The following ADD3 variants were observed in gnomAD, a reference collection of about 807,000 sequenced individuals.
ADD3 encodes the protein adducin 3.
Under a neutral mutation model 80.2 loss-of-function variants are expected in ADD3, and 25 were observed. The observed-to-expected ratio is 0.31, with a 90% confidence interval of 0.23 to 0.44. ADD3 has a LOEUF of 0.44. ADD3 is among the 20% of genes least tolerant of loss of function. The pLI is 1.00. For synonymous variants in ADD3, 284 were observed against 289.6 expected, an observed-to-expected ratio of 0.98 and a Z score of 0.20; for missense variants, 829 against 847.5, an observed-to-expected ratio of 0.98 and a Z score of 0.27.
intron 1 of ADD3, among the ~76,000 whole-genome samples, chr10:110,053,010 A>G (rs1464735337): frequency 2.6e-5 from 4 of 152,152 alleles, no homozygotes; most frequent in African/African-American, 9.7e-5. Flanking sequence ...GAAAATGGAA[A>G]CAAACAAACA....
chr10:110,013,802 T>A (rs1852609949), intron 1 of ADD3, among the ~76,000 whole-genome samples: 1 of 152,240 alleles, frequency 6.6e-6, no homozygotes, highest in South Asian at 2.1e-4. Context: ...TGACTCAGCC[T>A]GTTTAACTCT....
At chr10:110,025,234 C>A (rs1166062016) in intron 1 of ADD3, among the ~76,000 whole-genome samples, 1 of 151,896 alleles carries the variant, frequency 6.6e-6, no homozygotes, top group African/African-American at 2.4e-5. Flanking sequence ...AGCGTCCGTT[C>A]CACTAAGGCA....
At chr10:110,128,299 AT>A (rs1040730988) in intron 12 of ADD3, among the ~76,000 whole-genome samples, 1 of 150,578 alleles carries the variant, frequency 6.6e-6, no homozygotes, top group Admixed American at 6.6e-5. Flanking sequence ...TGAGCCTCTG[AT>A]TTTTTTCTTT....
chr10:110,129,091 C>G (rs1054011690), intron 12 of ADD3, among the ~76,000 whole-genome samples: 4 of 151,568 alleles, frequency 2.6e-5, no homozygotes, highest in Non-Finnish European at 5.9e-5. Context: ...AACCATCATT[C>G]TAGGAGCCTG....
chr10:110,096,075 C>T (rs1848113461), intron 1 of ADD3, among the ~76,000 whole-genome samples: 1 of 152,026 alleles, frequency 6.6e-6, no homozygotes, highest in African/African-American at 2.4e-5. Flanking sequence ...TATAGTTTTG[C>T]AATGTGTTGC....
intron 1 of ADD3, among the ~76,000 whole-genome samples, chr10:110,066,607 A>G (rs1041760063): frequency 2.0e-5 from 3 of 152,040 alleles, no homozygotes; most frequent in Admixed American, 6.6e-5. Flanking sequence ...TCTTTTAACT[A>G]AGAATGAACC....
chr10:110,003,822 ATTGT>A (rs1165941444), upstream of ADD3, among the ~76,000 whole-genome samples: 1 of 152,164 alleles, frequency 6.6e-6, no homozygotes, highest in African/African-American at 2.4e-5. Flanking sequence ...CAGAAAAGAG[ATTGT>A]TTCTTTTAGA....
At chr10:110,078,751 G>T (rs934855582) in intron 1 of ADD3, among the ~76,000 whole-genome samples, 4 of 152,166 alleles carry the variant, frequency 2.6e-5, no homozygotes, top group African/African-American at 7.2e-5. Flanking sequence ...CACAGAAAAT[G>T]CTATTTTCTG....
chr10:110,015,575 C>T (rs1439875745), intron 1 of ADD3, among the ~76,000 whole-genome samples: 1 of 151,964 alleles, frequency 6.6e-6, no homozygotes. Flanking sequence ...AGGGTTTTAC[C>T]ATGTTAGCCC....
chr10:110,040,428 A>G (rs952800394), intron 1 of ADD3, among the ~76,000 whole-genome samples: 2 of 152,244 alleles, frequency 1.3e-5, no homozygotes, highest in Non-Finnish European at 2.9e-5. Context: ...AGTTTGGCCA[A>G]TTAATATATG....
intron 6 of ADD3, 80 bp downstream of exon 6, chr10:110,118,816 T>G: frequency 1.5e-6 from 2 of 1,373,922 alleles, no homozygotes; most frequent in African/African-American, 1.5e-5. Context: ...GATGCTTTAC[T>G]ATCTGCTTTT....
chr10:110,046,245 G>T (rs1362101854), intron 1 of ADD3, among the ~76,000 whole-genome samples: 2 of 152,188 alleles, frequency 1.3e-5, no homozygotes, highest in African/African-American at 4.8e-5. Flanking sequence ...TACCGTAAAT[G>T]TATTTTCTTA....
At chr10:110,016,478 T>C (rs1362048383) in intron 1 of ADD3, 1 of 152,196 alleles carries the variant, frequency 6.6e-6, no homozygotes, top group Non-Finnish European at 1.5e-5. Context: ...TGAAATTAAA[T>C]TAAGTGGTAA....
At chr10:110,109,554 G>A (rs1849758460) in intron 2 of ADD3, among the ~76,000 whole-genome samples, 1 of 152,142 alleles carries the variant, frequency 6.6e-6, no homozygotes, top group South Asian at 2.1e-4. Context: ...TGTAATATAT[G>A]TAATGAGTGA....
intron 8 of ADD3, among the ~76,000 whole-genome samples, chr10:110,120,649 A>G (rs998930706): frequency 2.0e-5 from 3 of 152,186 alleles, no homozygotes; most frequent in African/African-American, 7.2e-5. Flanking sequence ...GAATCGCCAC[A>G]CTGACTTCCA....
At chr10:110,074,237 A>G (rs1271197288) in intron 1 of ADD3, among the ~76,000 whole-genome samples, 1 of 152,238 alleles carries the variant, frequency 6.6e-6, no homozygotes, top group Non-Finnish European at 1.5e-5. Flanking sequence ...GTTCCTTAAC[A>G]AATCAAACTT....
chr10:110,097,781 T>C (rs1848342163), intron 1 of ADD3, among the ~76,000 whole-genome samples: 2 of 150,808 alleles, frequency 1.3e-5, no homozygotes, highest in Admixed American at 1.3e-4. Flanking sequence ...GTTTTTCTTT[T>C]TTTTTTTTTT....
At chr10:110,113,913 A>G (rs1316027276) in intron 3 of ADD3, among the ~76,000 whole-genome samples, 1 of 152,244 alleles carries the variant, frequency 6.6e-6, no homozygotes, top group African/African-American at 2.4e-5. Context: ...GACATAGAGA[A>G]GTAGTACTCA....
intron 1 of ADD3, among the ~76,000 whole-genome samples, chr10:110,087,093 A>T (rs1019424559): frequency 3.9e-5 from 6 of 151,986 alleles, no homozygotes; most frequent in African/African-American, 1.5e-4. Flanking sequence ...GTGGCACGCC[A>T]TCTCAGCTCA....
Sources: allele counts gnomAD v4.1 joint callset (sites outside exome capture counted in the v4.1 genomes callset), GRCh38; gene constraint gnomAD v4.1.1; transcripts MANE v1.5; gene names NCBI Gene and HGNC (gene_info 2026-07-23, HGNC 2026-07-21).